The following ROBO1 variants were observed in gnomAD, a reference collection of about 807,000 sequenced individuals.
The protein encoded by ROBO1 is roundabout homolog 1.
In ROBO1, 149 loss-of-function variants were observed where a neutral mutation model predicts 195.9. That is an observed-to-expected ratio of 0.76 (90% CI 0.67 to 0.87). The LOEUF (loss-of-function observed/expected upper bound fraction) is 0.87. Ranked by LOEUF, ROBO1 falls within the 40% of genes least tolerant of loss-of-function variation. The pLI is 0.00. For synonymous variants in ROBO1, 816 were observed against 733.2 expected (o/e 1.11, Z -1.82); for missense variants, 1,933 against 2,068.3 (o/e 0.93, Z 1.27).
At chr3:78,787,578 T>C (rs1329785099) in intron 4 of ROBO1, among the ~76,000 whole-genome samples, 1 of 152,224 alleles carries the variant, frequency 6.6e-6, no homozygotes, top group Non-Finnish European at 1.5e-5. Flanking sequence ...TAAAACAAGC[T>C]ATCACCTATG....
intron 2 of ROBO1, among the ~76,000 whole-genome samples, chr3:79,333,695 G>A (rs550880070): frequency 2.6e-5 from 4 of 152,184 alleles, no homozygotes; most frequent in African/African-American, 9.6e-5. Context: ...TCCCTTTGCT[G>A]TTTCTTATGC....
At chr3:79,469,672 A>C (rs1214995931) in intron 2 of ROBO1, among the ~76,000 whole-genome samples, 3 of 152,230 alleles carry the variant, frequency 2.0e-5, no homozygotes, top group African/African-American at 7.2e-5. Flanking sequence ...ATGACTTGTG[A>C]GGAGGAAATG....
At chr3:78,949,873 AAAG>A (rs1281581060) in intron 3 of ROBO1, among the ~76,000 whole-genome samples, 2 of 152,228 alleles carry the variant, frequency 1.3e-5, no homozygotes, top group Non-Finnish European at 2.9e-5. Context: ...ACACTTCTCA[AAAG>A]AAGACATTTA....
chr3:78,963,090 G>GATAA (rs2041467694), intron 3 of ROBO1, among the ~76,000 whole-genome samples: 1 of 145,666 alleles, frequency 6.9e-6, no homozygotes, highest in African/African-American at 2.5e-5. Context: ...TCTCATACTT[G>GATAA]ATATATATAT....
At chr3:79,511,453 T>G (rs544099058) in intron 2 of ROBO1, among the ~76,000 whole-genome samples, 1 of 152,324 alleles carries the variant, frequency 6.6e-6, no homozygotes, top group East Asian at 1.9e-4. Context: ...TTCAAATAAC[T>G]GGTTGTCTAA....
chr3:79,545,279 G>A (rs543143417), intron 2 of ROBO1, among the ~76,000 whole-genome samples: 2 of 152,206 alleles, frequency 1.3e-5, no homozygotes, highest in East Asian at 1.9e-4. Flanking sequence ...TAAAAGTCAC[G>A]TCCTGAAAAC....
At chr3:79,414,199 TTCTC>T (rs911573952) in intron 2 of ROBO1, among the ~76,000 whole-genome samples, 18 of 148,356 alleles carry the variant, frequency 1.2e-4, no homozygotes, top group South Asian at 4.3e-4. Context: ...CTCTCTCTCT[TTCTC>T]TCTCTCTCTC....
intron 4 of ROBO1, among the ~76,000 whole-genome samples, chr3:78,860,572 C>G (rs1307756751): frequency 6.6e-6 from 1 of 151,904 alleles, no homozygotes; most frequent in African/African-American, 2.4e-5. Flanking sequence ...AAAGATTCCT[C>G]AATGTAAGTA....
intron 3 of ROBO1, among the ~76,000 whole-genome samples, chr3:79,016,029 T>C (rs1262979523): frequency 3.9e-5 from 6 of 152,242 alleles, no homozygotes. Context: ...TTCTCTTAAA[T>C]ACACTCCATT....
chr3:78,717,243 G>T, intron 7 of ROBO1, 32 bp downstream of exon 7: 2 of 1,521,246 alleles, frequency 1.3e-6, no homozygotes, highest in South Asian at 1.3e-5. Flanking sequence ...ATGCTGAGTT[G>T]ACAAATCATA....
chr3:79,652,867 GA>G, intron 1 of ROBO1, among the ~76,000 whole-genome samples: 1 of 151,956 alleles, frequency 6.6e-6, no homozygotes, highest in South Asian at 2.1e-4. Context: ...AGTTTTCTTT[GA>G]AATATTCTAT....
chr3:78,746,729 A>G lies in ROBO1; in HGVS notation c.657+14T>C, dbSNP rs1256048194. ...GACCAACAAATGTCCTCTGCTGTTG[A>G]ATTAAATACTCACAGTTATTCTTTC... On this transcript the variant is annotated intron_variant, in intron 5 of 30. Coordinates refer to ENST00000464233, the MANE Select transcript of ROBO1 (RefSeq NM_002941.4). 1 of 1,461,722 alleles carries G rather than the reference A, an allele frequency of 6.8e-7. No homozygotes were observed. The highest frequency in any genetic ancestry group is 9.2e-7 in the Non-Finnish European group (1 of 1,090,046). 90.5% of individuals were successfully genotyped at this position (1,461,722 alleles called of 1,614,324 possible). A position where few individuals can be genotyped will look rare whatever the true frequency, so the allele number is the denominator to read the frequency against.
intron 2 of ROBO1, among the ~76,000 whole-genome samples, chr3:79,231,892 G>T (rs998205350): frequency 6.6e-6 from 1 of 152,058 alleles, no homozygotes; most frequent in Non-Finnish European, 1.5e-5. Context: ...CCATAAAAAA[G>T]AACAAGATCA....
chr3:79,065,523 G>A (rs1245549582), intron 3 of ROBO1, among the ~76,000 whole-genome samples: 8 of 151,902 alleles, frequency 5.3e-5, no homozygotes, highest in Non-Finnish European at 1.2e-4. Context: ...CAAGATGAGT[G>A]TGGAACATCT....
intron 1 of ROBO1, among the ~76,000 whole-genome samples, chr3:79,612,320 A>G (rs565940867): frequency 5.4e-4 from 79 of 146,692 alleles, no homozygotes; most frequent in Non-Finnish European, 8.1e-4. Context: ...GAGAATGATG[A>G]TTTCCAATTT....
At chr3:79,204,403 G>A (rs893723218) in intron 2 of ROBO1, among the ~76,000 whole-genome samples, 2 of 151,898 alleles carry the variant, frequency 1.3e-5, no homozygotes, top group South Asian at 4.2e-4. Flanking sequence ...CTCTAATGAG[G>A]TATTCTTTAG....
At chr3:78,676,190 A>G (rs1708412480) in intron 10 of ROBO1, among the ~76,000 whole-genome samples, 1 of 152,180 alleles carries the variant, frequency 6.6e-6, no homozygotes, top group Admixed American at 6.5e-5. Context: ...CACCATCATC[A>G]AAGACCAAAA....
rs1947564408 is a variant in ROBO1, at chr3:79,699,937, C to T, written c.-51+67815G>A. 2.0e-5 allele frequency among the ~76,000 whole-genome samples: 3 copies of T among 151,538 alleles called. No individual in the cohort carries two copies. In the South Asian group the frequency reaches 6.2e-4, roughly 31 times the overall value. On this transcript the variant is annotated intron_variant, in intron 1 of 30. Transcript: ENST00000464233. ...TTTGGGGTACAAATGATCCTGTCAC[C>T]CAGGTACTGAGCATAGTACAAATAG...
chr3:79,667,259 A>G (rs1376822522), intron 1 of ROBO1, among the ~76,000 whole-genome samples: 2 of 151,960 alleles, frequency 1.3e-5, no homozygotes, highest in Non-Finnish European at 2.9e-5. Context: ...TATCCATAAA[A>G]TATCATTTCT....
Sources: allele counts gnomAD v4.1 joint callset (sites outside exome capture counted in the v4.1 genomes callset), GRCh38; gene constraint gnomAD v4.1.1; transcripts MANE v1.5; gene names NCBI Gene and HGNC (gene_info 2026-07-23, HGNC 2026-07-21).